Variants in RALYL observed in about 807,000 individuals in gnomAD.
The protein encoded by RALYL is RALY RNA binding protein like.
Under a neutral mutation model 35.1 loss-of-function variants are expected in RALYL, and 29 were observed. That is an observed-to-expected ratio of 0.83 (90% CI 0.61 to 1.13). The LOEUF (loss-of-function observed/expected upper bound fraction) is 1.13, where lower values mean the gene tolerates loss of function less well. Ranked by LOEUF, RALYL falls within the 50% of genes most tolerant of loss-of-function variation. The pLI is 0.00. For synonymous variants in RALYL, 120 were observed against 127.6 expected, an observed-to-expected ratio of 0.94 and a Z score of 0.40; for missense variants, 359 against 360.4, an observed-to-expected ratio of 1.00 and a Z score of 0.03.
At chr8:84,533,750 A>G (rs1389024637) in intron 2 of RALYL, among the ~76,000 whole-genome samples, 2 of 152,220 alleles carry the variant, frequency 1.3e-5, no homozygotes, top group African/African-American at 4.8e-5. Context: ...AAAGAATTCA[A>G]AGTGGGAACA....
chr8:84,669,194 C>G (rs893491926), intron 2 of RALYL, among the ~76,000 whole-genome samples: 3 of 152,280 alleles, frequency 2.0e-5, no homozygotes, highest in East Asian at 3.9e-4. Context: ...GACAGTCCAT[C>G]TCACTGGGTA....
chr8:84,658,024 A>G lies in RALYL; in HGVS notation c.257-116555A>G, dbSNP rs1830266291. On this transcript the variant is annotated intron_variant, in intron 2 of 8. Transcript: ENST00000521268. ...AAGTTGAGTTCCCAGCAATAACAGG[A>G]TGGGAGGTTGGACACCATCTCCCAT... Among the ~76,000 whole-genome samples, 5 of 152,226 alleles carry G rather than the reference A, an allele frequency of 3.3e-5. 1 individual carries two copies. The South Asian group carries it at 1.0e-3, about 32-fold the overall frequency.
intron 1 of RALYL, among the ~76,000 whole-genome samples, chr8:84,407,041 C>T (rs1182563996): frequency 6.7e-6 from 1 of 149,028 alleles, no homozygotes; most frequent in Non-Finnish European, 1.5e-5. Flanking sequence ...TATATACACA[C>T]ACACACTCAC....
intron 1 of RALYL, among the ~76,000 whole-genome samples, chr8:84,239,157 G>C (rs78243082): frequency 0.024 from 3,618 of 152,166 alleles, 87 homozygotes; most frequent in Non-Finnish European, 0.029. Flanking sequence ...ACCATTCCAT[G>C]GTTAGTAGGT....
chr8:84,790,079 C>T (rs141986766), intron 3 of RALYL, among the ~76,000 whole-genome samples: 3 of 152,302 alleles, frequency 2.0e-5, no homozygotes, highest in African/African-American at 7.2e-5. Flanking sequence ...TTAGTAGTCT[C>T]ACTGGAGTGA....
chr8:84,471,484 C>T (rs903735387), intron 1 of RALYL, among the ~76,000 whole-genome samples: 1 of 151,274 alleles, frequency 6.6e-6, no homozygotes, highest in Non-Finnish European at 1.5e-5. Flanking sequence ...GTCCTAGCTA[C>T]TCTGGGGGCT....
chr8:84,502,790 A>G (rs919600750), intron 1 of RALYL, among the ~76,000 whole-genome samples: 7 of 151,996 alleles, frequency 4.6e-5, no homozygotes, highest in Non-Finnish European at 7.4e-5. Flanking sequence ...TTCATCGAGT[A>G]TTGTAAAATT....
intron 8 of RALYL, among the ~76,000 whole-genome samples, chr8:84,890,818 A>G (rs1038092986): frequency 1.3e-5 from 2 of 152,114 alleles, no homozygotes; most frequent in Non-Finnish European, 2.9e-5. Context: ...AAAACAATAA[A>G]TAAAAGGAGT....
At chr8:84,280,210 G>T (rs1836268667) in intron 1 of RALYL, among the ~76,000 whole-genome samples, 1 of 152,078 alleles carries the variant, frequency 6.6e-6, no homozygotes, top group Non-Finnish European at 1.5e-5. Flanking sequence ...ATATACAGTG[G>T]TATATTTCAA....
chr8:84,460,624 A>C (rs1349491214), intron 1 of RALYL, among the ~76,000 whole-genome samples: 1 of 151,800 alleles, frequency 6.6e-6, no homozygotes, highest in Non-Finnish European at 1.5e-5. Context: ...ATGTATTTGC[A>C]TACCTGTGTA....
At chr8:84,388,093 T>A (rs1040096990) in intron 1 of RALYL, among the ~76,000 whole-genome samples, 1 of 152,044 alleles carries the variant, frequency 6.6e-6, no homozygotes, top group African/African-American at 2.4e-5. Flanking sequence ...ATATGTGGTG[T>A]TTGGTTTTTT....
chr8:84,913,718 T>C (rs1011746403), intron 8 of RALYL, among the ~76,000 whole-genome samples: 1 of 151,974 alleles, frequency 6.6e-6, no homozygotes, highest in Non-Finnish European at 1.5e-5. Context: ...TTCTGAGTTA[T>C]CCAGTATTCT....
intron 2 of RALYL, among the ~76,000 whole-genome samples, chr8:84,560,412 G>T (rs1307741532): frequency 6.6e-6 from 1 of 151,960 alleles, no homozygotes; most frequent in African/African-American, 2.4e-5. Flanking sequence ...AGAGCCATGG[G>T]TATTTCTATA....
intron 2 of RALYL, among the ~76,000 whole-genome samples, chr8:84,584,003 G>A (rs970242914): frequency 6.6e-6 from 1 of 152,158 alleles, no homozygotes; most frequent in Admixed American, 6.5e-5. Flanking sequence ...ATATATTTAT[G>A]GGGTACATGA....
intron 1 of RALYL, among the ~76,000 whole-genome samples, chr8:84,510,159 C>T (rs1490990864): frequency 1.3e-5 from 2 of 152,258 alleles, no homozygotes; most frequent in African/African-American, 4.8e-5. Context: ...TAGATCATCT[C>T]TGATTTCTTT....
At chr8:84,656,140 T>C (rs1181688958) in intron 2 of RALYL, among the ~76,000 whole-genome samples, 1 of 152,152 alleles carries the variant, frequency 6.6e-6, no homozygotes, top group African/African-American at 2.4e-5. Flanking sequence ...CAAGAGGACA[T>C]ATTTGCAGTA....
chr8:84,536,677 TC>T (rs1234291336), intron 2 of RALYL, among the ~76,000 whole-genome samples: 1 of 152,204 alleles, frequency 6.6e-6, no homozygotes, highest in Non-Finnish European at 1.5e-5. Context: ...AATAGCACTT[TC>T]AGCAATGCAC....
At chr8:84,450,963 T>C (rs563596104) in intron 1 of RALYL, among the ~76,000 whole-genome samples, 2 of 152,174 alleles carry the variant, frequency 1.3e-5, no homozygotes, top group African/African-American at 4.8e-5. Context: ...CTGTTCCCAA[T>C]GCTCAGGAGC....
At chr8:84,851,163 G>C (rs1003712824) in intron 5 of RALYL, among the ~76,000 whole-genome samples, 16 of 152,170 alleles carry the variant, frequency 1.1e-4, no homozygotes, top group African/African-American at 3.9e-4. Context: ...GTCACTGAGA[G>C]ATAAGGAAGC....
Sources: allele counts gnomAD v4.1 joint callset (sites outside exome capture counted in the v4.1 genomes callset), GRCh38; gene constraint gnomAD v4.1.1; transcripts MANE v1.5; gene names NCBI Gene and HGNC (gene_info 2026-07-23, HGNC 2026-07-21).